The following CLIC5 variants were observed in gnomAD, a reference collection of about 807,000 sequenced individuals.
The protein encoded by CLIC5 is CLIC family member 5.
Under a neutral mutation model 24.7 loss-of-function variants are expected in CLIC5, and 20 were observed. That is an observed-to-expected ratio of 0.81 (90% confidence interval 0.57 to 1.18). CLIC5 has a LOEUF of 1.18. Among genes scored for constraint, CLIC5 ranks in the 50% most tolerant of loss-of-function variants. CLIC5 has a pLI of 0.00. For missense variants in CLIC5, 341 were observed against 326.1 expected, an observed-to-expected ratio of 1.05 and a Z score of -0.35; for synonymous variants, 159 against 135.6, an observed-to-expected ratio of 1.17 and a Z score of -1.20.
At chr6:45,912,347 T>A in intron 5 of CLIC5, 1 of 1,021,228 alleles carries the variant, frequency 9.8e-7, no homozygotes, top group Non-Finnish European at 1.2e-6. Flanking sequence ...ACCCACTGAA[T>A]TTTCTCCAAG....
intron 1 of CLIC5, among the ~76,000 whole-genome samples, chr6:46,043,359 C>G (rs1562020940): frequency 1.3e-5 from 2 of 152,120 alleles, no homozygotes; most frequent in Admixed American, 1.3e-4. Context: ...TATAATTACA[C>G]AGAAGGGAAC....
Position 45,947,541 on chromosome 6 carries a change from C to T in CLIC5, c.299+1715G>A, listed in dbSNP as rs144107825. 2.2e-4 allele frequency among the ~76,000 whole-genome samples: 33 copies of T among 152,158 alleles called. 1 individual carries two copies. The East Asian group carries it at 6.2e-3, about 28-fold the overall frequency. Reference sequence around the variant, plus strand: ...CTCTGCTCCTCACTGCTTCCACTTTCCACTTCCTAATGATCATGACGGAAG... The same window carrying T: ...CTCTGCTCCTCACTGCTTCCACTTTTCACTTCCTAATGATCATGACGGAAG... On this transcript the variant is annotated intron_variant, in intron 3 of 5. Transcript: ENST00000339561.
At chr6:46,015,149 G>C (rs1239049914) in intron 1 of CLIC5, among the ~76,000 whole-genome samples, 2 of 152,204 alleles carry the variant, frequency 1.3e-5, no homozygotes, top group Non-Finnish European at 2.9e-5. Context: ...GCCGCATCCC[G>C]ACACCTGGAG....
chr6:46,037,216 T>C (rs1340222905), intron 1 of CLIC5, among the ~76,000 whole-genome samples: 1 of 152,208 alleles, frequency 6.6e-6, no homozygotes, highest in Non-Finnish European at 1.5e-5. Context: ...AGCTCTTTTG[T>C]ATATCTGTGT....
At chr6:46,002,973 G>A (rs1333537737) in intron 1 of CLIC5, among the ~76,000 whole-genome samples, 2 of 152,174 alleles carry the variant, frequency 1.3e-5, no homozygotes, top group African/African-American at 2.4e-5. Flanking sequence ...GCTACAAGGG[G>A]CTGGGTAAAA....
chr6:45,987,887 A>G (rs897939135), intron 1 of CLIC5, among the ~76,000 whole-genome samples: 9 of 152,240 alleles, frequency 5.9e-5, no homozygotes, highest in Admixed American at 5.9e-4. Flanking sequence ...TAGGATTTCA[A>G]CATATGAATT....
At chr6:46,038,947 A>G (rs1269280390) in intron 1 of CLIC5, among the ~76,000 whole-genome samples, 2 of 152,222 alleles carry the variant, frequency 1.3e-5, no homozygotes, top group Non-Finnish European at 2.9e-5. Context: ...ATGATGATGT[A>G]ACATCTATGT....
In CLIC5 at chr6:45,914,259, C is replaced by T. The variant is rs1762929716; in HGVS notation, c.557G>A (p.Cys186Tyr). Residue 186 changes from cysteine (C) to tyrosine (Y), a missense_variant, in exon 5 of 6, where the codon TGC (cysteine) becomes TAC (tyrosine). Coordinates refer to ENST00000339561, the MANE Select transcript of CLIC5 (RefSeq NM_016929.5). ...LDGDELTLAD[C>Y]NLLPKLHVVK... is the part of the protein sequence containing the mutation. ...CACATGGAGCTTGGGCAACAGATTGCAGTCAGCCAGGGTCAGCTCATCCCC... is the reference window on the plus strand; with the variant it reads ...CACATGGAGCTTGGGCAACAGATTGTAGTCAGCCAGGGTCAGCTCATCCCC... 6.2e-7 allele frequency: 1 copy of T among 1,604,266 alleles called. No individual in the cohort carries two copies. Among genetic ancestry groups the T allele is most frequent in the Non-Finnish European group, 8.5e-7 (1 of 1,173,070 alleles).
intron 3 of CLIC5, among the ~76,000 whole-genome samples, chr6:45,945,675 A>G (rs900852899): frequency 1.3e-5 from 2 of 152,108 alleles, no homozygotes; most frequent in Non-Finnish European, 2.9e-5. Context: ...TATGGATTTG[A>G]ACCCGAGTCA....
Position 46,015,837 on chromosome 6 carries a change from G to C in CLIC5, c.-295C>G, listed in dbSNP as rs1348698919. On this transcript the variant is annotated 5_prime_UTR_variant, in exon 1 of 6. Transcript: ENST00000339561. ...AACAAGTGCCGGGCTGCCCGGAGGTGTCACAGGATCCGCGACTGTCAGCGA... is the reference window on the plus strand; with the variant it reads ...AACAAGTGCCGGGCTGCCCGGAGGTCTCACAGGATCCGCGACTGTCAGCGA... 8.8e-7 allele frequency: 1 copy of C among 1,138,954 alleles called. No homozygotes were observed. Among genetic ancestry groups the C allele is most frequent in the Non-Finnish European group, 1.1e-6 (1 of 928,242 alleles). The allele number at this position is 1,138,954 out of a possible 1,614,324, so 70.6% of individuals were successfully genotyped here. A position where few individuals can be genotyped will look rare whatever the true frequency, so the allele number is the denominator to read the frequency against.
chr6:46,028,132 G>A (rs1767393302), intron 1 of CLIC5, among the ~76,000 whole-genome samples: 1 of 152,188 alleles, frequency 6.6e-6, no homozygotes, highest in Non-Finnish European at 1.5e-5. Flanking sequence ...GAGTCAAACT[G>A]CTGACCTAAG....
chr6:46,078,052 C>T (rs1762816425), intron 1 of CLIC5, among the ~76,000 whole-genome samples: 2 of 152,074 alleles, frequency 1.3e-5, no homozygotes, highest in South Asian at 2.1e-4. Flanking sequence ...AAAAATACAT[C>T]TAGTCCTCAC....
At chr6:46,127,348 T>C in the CLIC5 span, among the ~76,000 whole-genome samples, 1 of 152,328 alleles carries the variant, frequency 6.6e-6, no homozygotes, top group South Asian at 2.1e-4. Flanking sequence ...GTATGTTTGC[T>C]CAGTCATTTC....
At chr6:45,907,623 G>A (rs186894500) in intron 5 of CLIC5, among the ~76,000 whole-genome samples, 1 of 152,254 alleles carries the variant, frequency 6.6e-6, no homozygotes, top group Admixed American at 6.5e-5. Flanking sequence ...TTTATGTCAG[G>A]TAAAATTCAG....
rs1231315872 is a variant in CLIC5 at position 46,055,830 on chromosome 6, A to C, written c.540+23873T>G. Among the ~76,000 whole-genome samples the C allele has an allele frequency of 2.0e-5, 3 of 152,330 alleles. No homozygotes were observed. In the East Asian group the frequency reaches 5.8e-4, roughly 29 times the overall value. On this transcript the variant is annotated intron_variant, in intron 1 of 5. Coordinates refer to the CLIC5 transcript ENST00000185206. ...AGGAAGGTGTTGTCTTCTCATTTAAAACATGGTGAAACTTACTGTATGATG... is the reference window on the plus strand; with the variant it reads ...AGGAAGGTGTTGTCTTCTCATTTAACACATGGTGAAACTTACTGTATGATG...
chr6:45,944,934 C>A (rs555644443), intron 3 of CLIC5, among the ~76,000 whole-genome samples: 8 of 152,300 alleles, frequency 5.3e-5, no homozygotes, highest in Admixed American at 2.6e-4. Context: ...CTTCATCAAC[C>A]CCTCACACGT....
intron 1 of CLIC5, among the ~76,000 whole-genome samples, chr6:45,970,323 GT>G (rs1487715213): frequency 6.6e-6 from 1 of 151,836 alleles, no homozygotes; most frequent in African/African-American, 2.4e-5. Flanking sequence ...AACCAAGCCA[GT>G]TTTTGTGTCA....
At chr6:45,983,195 C>G (rs926269465) in intron 1 of CLIC5, among the ~76,000 whole-genome samples, 6 of 152,184 alleles carry the variant, frequency 3.9e-5, no homozygotes, top group Non-Finnish European at 7.3e-5. Context: ...CTGACCTCAC[C>G]TGATCTAAAG....
upstream of CLIC5, among the ~76,000 whole-genome samples, chr6:46,083,615 T>C (rs1762969504): frequency 6.6e-6 from 1 of 152,186 alleles, no homozygotes; most frequent in South Asian, 2.1e-4. Context: ...TGAGTTCTAT[T>C]TTGATTGCAC....
Sources: allele counts gnomAD v4.1 joint callset (sites outside exome capture counted in the v4.1 genomes callset), GRCh38; gene constraint gnomAD v4.1.1; transcripts MANE v1.5; gene names NCBI Gene and HGNC (gene_info 2026-07-23, HGNC 2026-07-21).